The following FYB1 variants were observed in gnomAD, a reference collection of about 807,000 sequenced individuals.
FYB1 encodes FYN binding protein 1.
In FYB1, 41 loss-of-function variants were observed where a neutral mutation model predicts 94.1. The ratio of observed to expected loss-of-function variants is 0.44; its 90% confidence interval spans 0.34 to 0.57. The LOEUF (loss-of-function observed/expected upper bound fraction) is 0.57, where lower values mean the gene tolerates loss of function less well. FYB1 is among the 20% of genes least tolerant of loss of function. The pLI, the probability that FYB1 is intolerant of heterozygous loss-of-function variation, is 0.02. For missense variants in FYB1, 1,050 were observed against 976.8 expected (o/e 1.07, Z -1.00); for synonymous variants, 367 against 353.2 (o/e 1.04, Z -0.44).
chr5:39,187,162 A>G (rs1029892915), intron 2 of FYB1, among the ~76,000 whole-genome samples: 6 of 152,032 alleles, frequency 3.9e-5, no homozygotes, highest in Non-Finnish European at 8.8e-5. Context: ...AAGCAAGCTT[A>G]AAAAAAGCTT....
intron 2 of FYB1, among the ~76,000 whole-genome samples, chr5:39,193,427 C>T (rs753155546): frequency 6.6e-6 from 1 of 152,152 alleles, no homozygotes; most frequent in Non-Finnish European, 1.5e-5. Context: ...TTATCTAAAA[C>T]TCACTAGCGG....
intron 2 of FYB1, among the ~76,000 whole-genome samples, chr5:39,178,366 G>C (rs1400159153): frequency 1.3e-5 from 2 of 152,200 alleles, no homozygotes; most frequent in African/African-American, 2.4e-5. Context: ...CGTTTATTGA[G>C]TGTGTACTGT....
chr5:39,230,462 G>A (rs1340184163), intron 1 of FYB1, among the ~76,000 whole-genome samples: 1 of 152,036 alleles, frequency 6.6e-6, no homozygotes, highest in African/African-American at 2.4e-5. Flanking sequence ...CTGACCTCCA[G>A]AACTATAAGA....
intron 1 of FYB1, among the ~76,000 whole-genome samples, chr5:39,203,914 G>A (rs951611407): frequency 1.3e-5 from 2 of 152,238 alleles, no homozygotes; most frequent in Admixed American, 6.5e-5. Context: ...TTAATGGTGT[G>A]TTTGCTCTTT....
At chr5:39,273,197 G>C (rs1752713701) in intron 1 of FYB1, among the ~76,000 whole-genome samples, 1 of 152,156 alleles carries the variant, frequency 6.6e-6, no homozygotes, top group Non-Finnish European at 1.5e-5. Context: ...TTGTGGAATA[G>C]AAAAGGGGAA....
intron 1 of FYB1, among the ~76,000 whole-genome samples, chr5:39,205,243 G>A (rs1050446086): frequency 3.9e-5 from 6 of 152,186 alleles, no homozygotes; most frequent in African/African-American, 1.4e-4. Flanking sequence ...ACATAGCTGA[G>A]TGACTAAGCA....
intron 14 of FYB1, among the ~76,000 whole-genome samples, chr5:39,121,114 A>T (rs541236407): frequency 4.6e-5 from 7 of 151,442 alleles, no homozygotes; most frequent in African/African-American, 1.7e-4. Flanking sequence ...TGTTTGAAGA[A>T]TAAGGCCAGG....
At chr5:39,173,827 G>T (rs1188324919) in intron 2 of FYB1, among the ~76,000 whole-genome samples, 1 of 152,140 alleles carries the variant, frequency 6.6e-6, no homozygotes. Context: ...CCAGTATCAT[G>T]CTCTTTGGGT....
intron 2 of FYB1, among the ~76,000 whole-genome samples, chr5:39,179,944 T>C (rs919625741): frequency 1.3e-5 from 2 of 152,150 alleles, no homozygotes; most frequent in South Asian, 4.1e-4. Context: ...GTCTTCCCTA[T>C]CTAACCCTCC....
intron 2 of FYB1, among the ~76,000 whole-genome samples, chr5:39,193,612 C>G (rs1747556586): frequency 6.6e-6 from 1 of 152,170 alleles, no homozygotes; most frequent in Non-Finnish European, 1.5e-5. Flanking sequence ...TGTGAATTCT[C>G]TCTAATACAC....
chr5:39,269,604 C>T (rs1752586039), intron 1 of FYB1: 1 of 152,328 alleles, frequency 6.6e-6, no homozygotes, highest in East Asian at 1.9e-4. Flanking sequence ...TTTCCCTATC[C>T]TAACTCAAGG....
intron 3 of FYB1, among the ~76,000 whole-genome samples, chr5:39,152,995 A>G (rs1743378342): frequency 6.6e-6 from 1 of 152,220 alleles, no homozygotes; most frequent in Admixed American, 6.5e-5. Context: ...CTCATCTGTG[A>G]AATAATGATG....
At chr5:39,205,679 G>GT (rs1204612608) in intron 1 of FYB1, among the ~76,000 whole-genome samples, 1 of 152,136 alleles carries the variant, frequency 6.6e-6, no homozygotes, top group Non-Finnish European at 1.5e-5. Flanking sequence ...GGATTGGAAC[G>GT]TAAGTCTCTC....
intron 2 of FYB1, among the ~76,000 whole-genome samples, chr5:39,186,081 G>A (rs967886393): frequency 1.3e-5 from 2 of 152,012 alleles, no homozygotes; most frequent in Admixed American, 6.6e-5. Context: ...CCCTCAAGCG[G>A]GCTGCACAAA....
intron 7 of FYB1, 78 bp from the exon 8 acceptor site, chr5:39,135,092 A>G (rs1741564738): frequency 2.0e-6 from 3 of 1,479,370 alleles, no homozygotes; most frequent in African/African-American, 1.4e-5. Flanking sequence ...TTTGAAAGAT[A>G]TAAGTCTACA....
intron 2 of FYB1, among the ~76,000 whole-genome samples, chr5:39,173,533 A>C (rs1306066545): frequency 6.6e-6 from 1 of 152,154 alleles, no homozygotes; most frequent in Non-Finnish European, 1.5e-5. Flanking sequence ...TATGTTGAGA[A>C]GGGTAGTTTC....
At chr5:39,258,812 A>G (rs1385544027) in intron 1 of FYB1, among the ~76,000 whole-genome samples, 1 of 152,222 alleles carries the variant, frequency 6.6e-6, no homozygotes, top group East Asian at 1.9e-4. Flanking sequence ...TAAAAAGAAG[A>G]TAAATCTTTC....
At chr5:39,190,783 TGTGTGTGTGA>T (rs1747281222) in intron 2 of FYB1, among the ~76,000 whole-genome samples, 3 of 151,710 alleles carry the variant, frequency 2.0e-5, no homozygotes, top group African/African-American at 7.3e-5. Context: ...TGTGTGTGTG[TGTGTGTGTGA>T]GAGAGAGATG....
intron 1 of FYB1, among the ~76,000 whole-genome samples, chr5:39,246,234 C>T (rs1028403458): frequency 6.6e-6 from 1 of 152,046 alleles, no homozygotes; most frequent in African/African-American, 2.4e-5. Context: ...AAAGAGAGAC[C>T]CTAACCTCAG....
Sources: gnomAD v4.1 joint callset for allele counts (sites outside exome capture counted in the v4.1 genomes callset) on GRCh38, gnomAD v4.1.1 for gene constraint, MANE v1.5 for transcripts, NCBI Gene and HGNC (gene_info 2026-07-23, HGNC 2026-07-21) for gene names.